IPMK: variants seen among roughly 807,000 people sequenced by gnomAD.
IPMK encodes inositol 1,3,4,6-tetrakisphosphate 5-kinase.
A neutral mutation model predicts 45.8 loss-of-function variants in IPMK; 17 were observed. The observed-to-expected ratio is 0.37, with a 90% CI of 0.25 to 0.56. IPMK has a LOEUF of 0.56. Among genes scored for constraint, IPMK ranks in the 20% least tolerant of loss-of-function variants. The probability of loss-of-function intolerance (pLI) is 0.79; values close to 1 mark genes in which losing one functional copy is unlikely to be tolerated. For synonymous variants in IPMK, 180 were observed against 184.3 expected (o/e 0.98, Z 0.19); for missense variants, 399 against 498.0 (o/e 0.80, Z 1.89).
chr10:58,233,559 C>T (rs1838560552), intron 2 of IPMK, among the ~76,000 whole-genome samples: 1 of 152,026 alleles, frequency 6.6e-6, no homozygotes, highest in South Asian at 2.1e-4. Context: ...TAAACAGAAC[C>T]AACGACAAAA....
At chr10:58,205,817 C>T (rs1838061665) in intron 4 of IPMK, among the ~76,000 whole-genome samples, 1 of 152,096 alleles carries the variant, frequency 6.6e-6, no homozygotes, top group African/African-American at 2.4e-5. Context: ...AACTGTACCC[C>T]AAAAGCTACT....
intron 1 of IPMK, among the ~76,000 whole-genome samples, chr10:58,246,315 T>C (rs1838799595): frequency 6.6e-6 from 1 of 150,480 alleles, no homozygotes; most frequent in African/African-American, 2.5e-5. Flanking sequence ...TTAAAGTTCA[T>C]ATGGAACCAA....
intron 1 of IPMK, among the ~76,000 whole-genome samples, chr10:58,248,918 T>C (rs977761450): frequency 6.6e-6 from 1 of 152,248 alleles, no homozygotes; most frequent in Non-Finnish European, 1.5e-5. Context: ...AACCACATTT[T>C]CTTTATCTAT....
intron 4 of IPMK, chr10:58,212,638 C>A: frequency 4.2e-6 from 1 of 238,388 alleles, no homozygotes; most frequent in Admixed American, 4.2e-5. Context: ...TTCATGTTTT[C>A]ACCAGTAAAG....
intron 1 of IPMK, among the ~76,000 whole-genome samples, chr10:58,254,549 A>C (rs1838935835): frequency 6.6e-6 from 1 of 152,100 alleles, no homozygotes; most frequent in Non-Finnish European, 1.5e-5. Flanking sequence ...CAATTCTTCT[A>C]GTTCATTATT....
intron 1 of IPMK, among the ~76,000 whole-genome samples, chr10:58,257,332 T>C (rs984442292): frequency 6.6e-6 from 1 of 151,894 alleles, no homozygotes; most frequent in Non-Finnish European, 1.5e-5. Context: ...CTGTCTCTAC[T>C]AAAAACACAA....
chr10:58,232,321 C>G (rs777173784), intron 2 of IPMK, among the ~76,000 whole-genome samples: 12 of 152,188 alleles, frequency 7.9e-5, no homozygotes, highest in Non-Finnish European at 1.5e-4. Context: ...CTCAGCTCTA[C>G]AACAAGCAGA....
At position 58,196,765 on chromosome 10, in the gene IPMK, C is replaced by T. The variant is rs888291991; in HGVS notation, c.629-67G>A. 69 of 1,089,746 alleles carry T rather than the reference C, an allele frequency of 6.3e-5. 1 individual carries two copies. The East Asian group carries it at 1.7e-3, about 26-fold the overall frequency. The allele number at this position is 1,089,746 out of a possible 1,614,324, so 67.5% of individuals were successfully genotyped here. On this transcript the variant is annotated intron_variant, in intron 5 of 5. Coordinates refer to ENST00000373935, the MANE Select transcript of IPMK (RefSeq NM_152230.5). Reference sequence around the variant, plus strand: ...ATAACTATTATTTGGGAAGTAAACTCATCACAGAATTCTCCAATATTTTCC... The same window carrying T: ...ATAACTATTATTTGGGAAGTAAACTTATCACAGAATTCTCCAATATTTTCC...
intron 2 of IPMK, among the ~76,000 whole-genome samples, chr10:58,237,069 C>T (rs1382198790): frequency 6.6e-6 from 1 of 152,152 alleles, no homozygotes; most frequent in African/African-American, 2.4e-5. Context: ...GAGCCAGACC[C>T]TATCTCAAAA....
intron 1 of IPMK, among the ~76,000 whole-genome samples, chr10:58,256,937 T>C (rs1163252148): frequency 6.6e-6 from 1 of 152,136 alleles, no homozygotes; most frequent in Non-Finnish European, 1.5e-5. Context: ...TGTTGGCACA[T>C]GCCTATGGTC....
chr10:58,194,835 G>A lies in IPMK; in HGVS notation c.*1241C>T, dbSNP rs1175252657. On this transcript the variant is annotated 3_prime_UTR_variant, in exon 6 of 6. Coordinates refer to ENST00000373935, the MANE Select transcript of IPMK (RefSeq NM_152230.5). The stretch of plus-strand genomic sequence containing the variant: ...ACTCAAAGTTTTAAATGTTTTAAAT[G>A]ACAAATAACTAGTTGATTTTTTTTT... 6.6e-6 allele frequency: 1 copy of A among 151,882 alleles called. No individual in the cohort carries two copies. The highest frequency in any genetic ancestry group is 1.5e-5 in the Non-Finnish European group (1 of 67,796). The allele number at this position is 151,882 out of a possible 1,614,324, so 9.4% of individuals were successfully genotyped here.
In IPMK at chr10:58,267,443, T is replaced by G. The variant is rs1419857679; in HGVS notation, c.169A>C (p.Met57Leu). 1.9e-6 allele frequency: 3 copies of G among 1,613,730 alleles called. No individual in the cohort carries two copies. The highest frequency in any genetic ancestry group is 1.7e-6 in the Non-Finnish European group (2 of 1,179,864). ...TTACCCACTTTGTCCTTCCCGTACA[T>G]GTGCCCGGCCACCTGATGCGAGAGG... is the stretch of plus-strand genomic sequence containing the variant. Reference protein sequence around the residue: ...VPLSHQVAGHMYGKDKVGILQ... With the variant: ...VPLSHQVAGHLYGKDKVGILQ... Residue 57 changes from methionine to leucine, a missense_variant, in exon 1 of 6, where the codon ATG becomes CTG. By Grantham distance (15) the Met-to-Leu change is conservative. Transcript: ENST00000373935.
At chr10:58,258,130 G>A (rs1838999811) in intron 1 of IPMK, among the ~76,000 whole-genome samples, 1 of 150,830 alleles carries the variant, frequency 6.6e-6, no homozygotes, top group Admixed American at 6.6e-5. Context: ...CCAACATGGT[G>A]AAACCCCCAT....
intron 1 of IPMK, among the ~76,000 whole-genome samples, chr10:58,249,718 T>G (rs1279070753): frequency 6.6e-6 from 1 of 152,238 alleles, no homozygotes; most frequent in South Asian, 2.1e-4. Flanking sequence ...CCCATTTGTA[T>G]GTCTGCTTTT....
intron 3 of IPMK, among the ~76,000 whole-genome samples, chr10:58,217,299 C>A (rs1397396541): frequency 1.3e-5 from 2 of 151,488 alleles, no homozygotes; most frequent in African/African-American, 4.9e-5. Context: ...AGTTATCATA[C>A]ATGGCTGACC....
rs1378218598 is a variant in IPMK, at chr10:58,201,568, CT to C, written c.547-2248del. 3.3e-5 allele frequency among the ~76,000 whole-genome samples: 5 copies of C among 152,286 alleles called. No homozygotes were observed. In the East Asian group the frequency reaches 9.6e-4, roughly 29 times the overall value. ...TCCTCTCTTCAGGCCTCCCTATCCC[CT>C]GAGGCACAATATTGAAATTAGGCCA... On this transcript the variant is annotated intron_variant, in intron 4 of 5. Coordinates refer to ENST00000373935, the MANE Select transcript of IPMK (RefSeq NM_152230.5).
chr10:58,232,841 T>C (rs1345002116), intron 2 of IPMK, among the ~76,000 whole-genome samples: 1 of 152,058 alleles, frequency 6.6e-6, no homozygotes, highest in African/African-American at 2.4e-5. Context: ...AGAGCAGAGC[T>C]GAAAGGGACA....
chr10:58,231,579 G>C (rs1451328203), intron 2 of IPMK, among the ~76,000 whole-genome samples: 1 of 152,132 alleles, frequency 6.6e-6, no homozygotes, highest in Non-Finnish European at 1.5e-5. Flanking sequence ...GCCAAACTAA[G>C]CTTCGTAAGT....
chr10:58,261,569 C>T (rs1839067915), intron 1 of IPMK, among the ~76,000 whole-genome samples: 1 of 151,624 alleles, frequency 6.6e-6, no homozygotes, highest in South Asian at 2.1e-4. Context: ...AACAAAAAAC[C>T]TAATCCAACT....
Sources: gnomAD v4.1 joint callset for allele counts (sites outside exome capture counted in the v4.1 genomes callset) on GRCh38, gnomAD v4.1.1 for gene constraint, MANE v1.5 for transcripts, NCBI Gene and HGNC (gene_info 2026-07-23, HGNC 2026-07-21) for gene names.